SLC14A2: variants seen among roughly 807,000 people sequenced by gnomAD.
SLC14A2 encodes urea transporter 2.
Under a neutral mutation model 104.6 loss-of-function variants are expected in SLC14A2, and 91 were observed. That is an observed-to-expected ratio of 0.87 (90% CI 0.73 to 1.04). SLC14A2 has a LOEUF of 1.04. Among genes scored for constraint, SLC14A2 ranks in the 50% least tolerant of loss-of-function variants. The probability of loss-of-function intolerance (pLI) is 0.00; values close to 1 mark genes in which losing one functional copy is unlikely to be tolerated. For synonymous variants in SLC14A2, 476 were observed against 466.4 expected (o/e 1.02, Z -0.27); for missense variants, 1,189 against 1,156.0 (o/e 1.03, Z -0.41).
chr18:45,612,502 G>A (rs149669314), upstream of SLC14A2, among the ~76,000 whole-genome samples: 1 of 152,288 alleles, frequency 6.6e-6, no homozygotes, highest in Non-Finnish European at 1.5e-5. Context: ...AATTAAAATC[G>A]CTAATGTTTA....
At chr18:45,325,747 G>A (rs2085228238) in intron 1 of SLC14A2, among the ~76,000 whole-genome samples, 1 of 152,148 alleles carries the variant, frequency 6.6e-6, no homozygotes, top group Admixed American at 6.5e-5. Context: ...GGTGACCTAA[G>A]CTGTAATCTT....
the SLC14A2 span, among the ~76,000 whole-genome samples, chr18:45,168,419 AC>A: frequency 6.6e-6 from 1 of 152,354 alleles, no homozygotes; most frequent in African/African-American, 2.4e-5. Context: ...TATGTAAAAC[AC>A]TGAGTGCCTC....
intron 10 of SLC14A2, among the ~76,000 whole-genome samples, chr18:45,663,363 C>G (rs1275184049): frequency 6.6e-6 from 1 of 152,166 alleles, no homozygotes; most frequent in African/African-American, 2.4e-5. Context: ...TTAAACTGGT[C>G]TGAGGTGGAG....
the SLC14A2 span, among the ~76,000 whole-genome samples, chr18:45,172,375 T>A: frequency 1.3e-5 from 2 of 152,192 alleles, no homozygotes; most frequent in Admixed American, 6.6e-5. Context: ...AATGGAAATG[T>A]CATCTCAGAA....
intron 1 of SLC14A2, among the ~76,000 whole-genome samples, chr18:45,396,010 G>A (rs1289502021): frequency 6.6e-6 from 1 of 152,110 alleles, no homozygotes; most frequent in Admixed American, 6.6e-5. Flanking sequence ...CAGGGCTTAA[G>A]GGAATATATG....
intron 1 of SLC14A2, among the ~76,000 whole-genome samples, chr18:45,426,592 TAC>T (rs2086431545): frequency 6.7e-6 from 1 of 149,426 alleles, no homozygotes; most frequent in Admixed American, 6.7e-5. Flanking sequence ...AGTATATATA[TAC>T]ACACATATAT....
At chr18:45,279,983 C>A (rs1000885018) in intron 1 of SLC14A2, among the ~76,000 whole-genome samples, 7 of 152,186 alleles carry the variant, frequency 4.6e-5, no homozygotes, top group Non-Finnish European at 2.9e-5. Context: ...CCAGAATCCA[C>A]ACCCCCACCC....
chr18:45,299,228 C>A (rs1367864404), intron 1 of SLC14A2, among the ~76,000 whole-genome samples: 1 of 152,204 alleles, frequency 6.6e-6, no homozygotes, highest in East Asian at 1.9e-4. Context: ...AAATGAGAAT[C>A]CCTTTCTTTT....
chr18:45,198,179 A>G, the SLC14A2 span, among the ~76,000 whole-genome samples: 8 of 152,196 alleles, frequency 5.3e-5, 1 homozygote, highest in East Asian at 1.3e-3. Flanking sequence ...GTCCAAATAT[A>G]TTTTGTTAAA....
chr18:45,643,281 A>C, intron 9 of SLC14A2, 100 bp downstream of exon 9: 1 of 1,052,070 alleles, frequency 9.5e-7, no homozygotes, highest in Non-Finnish European at 1.5e-6. Flanking sequence ...TGAGCGGGTA[A>C]TGGTAGCTGG....
intron 1 of SLC14A2, among the ~76,000 whole-genome samples, chr18:45,261,957 G>A (rs990524024): frequency 2.6e-5 from 4 of 152,138 alleles, no homozygotes; most frequent in African/African-American, 7.2e-5. Context: ...GGTATTTCTA[G>A]TTCTAGATCC....
Position 45,609,821 on chromosome 18 carries a change from C to T in SLC14A2, c.-34-14810C>T, listed in dbSNP as rs1037110463. 3.9e-5 allele frequency among the ~76,000 whole-genome samples: 6 copies of T among 152,176 alleles called. 1 individual carries two copies. The highest frequency in any genetic ancestry group is 1.5e-5 in the Non-Finnish European group (1 of 68,020). On this transcript the variant is annotated intron_variant, in intron 2 of 20. Transcript: ENST00000586448. ...TAGATTCCTCAGGAGCATGCCATTG[C>T]TTCAACCCTGAGCAGGCTGCTTAGG...
At chr18:45,386,696 A>G (rs1469305894) in intron 1 of SLC14A2, among the ~76,000 whole-genome samples, 2 of 152,200 alleles carry the variant, frequency 1.3e-5, no homozygotes, top group Non-Finnish European at 2.9e-5. Flanking sequence ...GGTTGAGAGC[A>G]TAGACTTTGG....
chr18:45,175,405 A>G, the SLC14A2 span, among the ~76,000 whole-genome samples: 1 of 142,572 alleles, frequency 7.0e-6, no homozygotes, highest in Non-Finnish European at 1.6e-5. Context: ...ATGTAGGGGT[A>G]AGAAAACGTT....
intron 2 of SLC14A2, among the ~76,000 whole-genome samples, chr18:45,526,797 G>A (rs1326698920): frequency 6.6e-6 from 1 of 152,074 alleles, no homozygotes; most frequent in Non-Finnish European, 1.5e-5. Context: ...AAAGTAGGGT[G>A]GGTTCTTTTC....
intron 1 of SLC14A2, among the ~76,000 whole-genome samples, chr18:45,393,165 T>C (rs1436874943): frequency 1.3e-5 from 2 of 152,166 alleles, no homozygotes; most frequent in Non-Finnish European, 2.9e-5. Flanking sequence ...ACAAAAAGCT[T>C]ATCCCAAAGG....
chr18:45,655,709 T>G (rs1355823144), intron 10 of SLC14A2, among the ~76,000 whole-genome samples: 2 of 152,248 alleles, frequency 1.3e-5, no homozygotes, highest in Non-Finnish European at 2.9e-5. Context: ...GAAGCCAGTA[T>G]ACAATTGCTC....
At chr18:45,640,522 T>A (rs4890562) in intron 7 of SLC14A2, among the ~76,000 whole-genome samples, 6 of 152,134 alleles carry the variant, frequency 3.9e-5, no homozygotes, top group African/African-American at 1.4e-4. Flanking sequence ...CCTGTGTATA[T>A]GTATGTATAC....
intron 4 of SLC14A2, among the ~76,000 whole-genome samples, chr18:45,628,893 C>T (rs1458228526): frequency 3.3e-5 from 5 of 152,176 alleles, no homozygotes; most frequent in Non-Finnish European, 5.9e-5. Context: ...ACTGTCATAT[C>T]TTATTAACTG....
Sources: gnomAD v4.1 joint callset for allele counts (sites outside exome capture counted in the v4.1 genomes callset) on GRCh38, gnomAD v4.1.1 for gene constraint, MANE v1.5 for transcripts, NCBI Gene and HGNC (gene_info 2026-07-23, HGNC 2026-07-21) for gene names.